The following CEMIP variants were observed in gnomAD, a reference collection of about 807,000 sequenced individuals.
CEMIP encodes cell migration inducing hyaluronidase 1.
CEMIP carries 105 observed loss-of-function variants against 156.9 expected under a neutral mutation model. The observed-to-expected ratio is 0.67, with a 90% CI of 0.57 to 0.79. The LOEUF (loss-of-function observed/expected upper bound fraction) is 0.79, where lower values mean the gene tolerates loss of function less well. Ranked by LOEUF, CEMIP falls within the 30% of genes least tolerant of loss-of-function variation. The pLI, the probability that CEMIP is intolerant of heterozygous loss-of-function variation, is 0.00. For synonymous variants in CEMIP, 676 were observed against 668.4 expected (o/e 1.01, Z -0.17); for missense variants, 1,457 against 1,769.4 (o/e 0.82, Z 3.17).
At chr15:80,793,035 T>A (rs1896121833) in intron 1 of CEMIP, among the ~76,000 whole-genome samples, 3 of 152,226 alleles carry the variant, frequency 2.0e-5, no homozygotes, top group Admixed American at 2.0e-4. Context: ...TGACTTCTGA[T>A]GAAAATACAG....
chr15:80,876,802 A>G (rs1596150936), intron 3 of CEMIP, among the ~76,000 whole-genome samples: 1 of 152,330 alleles, frequency 6.6e-6, no homozygotes, highest in South Asian at 2.1e-4. Context: ...ACATATATAA[A>G]TATGGGACAG....
intron 4 of CEMIP, among the ~76,000 whole-genome samples, chr15:80,879,085 C>T (rs1898560973): frequency 6.6e-6 from 1 of 152,232 alleles, no homozygotes; most frequent in Admixed American, 6.5e-5. Context: ...ATCGAGAAAA[C>T]TCCTTATTGG....
At chr15:80,809,680 T>A (rs564537156) in intron 1 of CEMIP, among the ~76,000 whole-genome samples, 3 of 152,190 alleles carry the variant, frequency 2.0e-5, no homozygotes, top group African/African-American at 7.2e-5. Flanking sequence ...GTCTAGAGGC[T>A]ATGGGGGAAA....
chr15:80,809,419 A>G (rs1896602859), intron 1 of CEMIP, among the ~76,000 whole-genome samples: 1 of 152,242 alleles, frequency 6.6e-6, no homozygotes, highest in Non-Finnish European at 1.5e-5. Flanking sequence ...GCTATTAAAT[A>G]TTTCTTCAAT....
At chr15:80,916,311 G>A (rs1490614441) in intron 14 of CEMIP, among the ~76,000 whole-genome samples, 1 of 152,178 alleles carries the variant, frequency 6.6e-6, no homozygotes. Context: ...GTCAGGCAGA[G>A]CCCAGGAGTT....
intron 1 of CEMIP, among the ~76,000 whole-genome samples, chr15:80,812,700 A>C (rs143269512): frequency 3.0e-3 from 458 of 152,306 alleles, no homozygotes; most frequent in African/African-American, 0.01. Flanking sequence ...GATCAGACTA[A>C]CCAGATTTAT....
At chr15:80,787,856 G>A (rs964685712) in intron 1 of CEMIP, among the ~76,000 whole-genome samples, 5 of 152,188 alleles carry the variant, frequency 3.3e-5, no homozygotes, top group Non-Finnish European at 4.4e-5. Flanking sequence ...TATCTGCAGC[G>A]AGGAGACAAA....
At chr15:80,810,322 G>A (rs956452957) in intron 1 of CEMIP, among the ~76,000 whole-genome samples, 15 of 152,086 alleles carry the variant, frequency 9.9e-5, no homozygotes, top group African/African-American at 3.4e-4. Flanking sequence ...AGACTCTCCT[G>A]AAGGACAACT....
intron 1 of CEMIP, among the ~76,000 whole-genome samples, chr15:80,787,580 A>T (rs1385211570): frequency 6.6e-6 from 1 of 152,176 alleles, no homozygotes; most frequent in East Asian, 1.9e-4. Flanking sequence ...ACATACTAAA[A>T]CAAAGACTGA....
chr15:80,884,977 C>T (rs185899732), intron 7 of CEMIP, among the ~76,000 whole-genome samples: 4 of 152,232 alleles, frequency 2.6e-5, no homozygotes, highest in East Asian at 3.9e-4. Flanking sequence ...CCTAGGTAAA[C>T]GTGTGCCGCG....
intron 12 of CEMIP, among the ~76,000 whole-genome samples, chr15:80,904,755 T>G (rs1255563432): frequency 6.6e-6 from 1 of 152,220 alleles, no homozygotes; most frequent in Non-Finnish European, 1.5e-5. Context: ...GGAGCCTCCA[T>G]GAGGAACCAG....
chr15:80,781,330 T>C (rs1895788367), intron 1 of CEMIP, among the ~76,000 whole-genome samples: 1 of 152,228 alleles, frequency 6.6e-6, no homozygotes, highest in Non-Finnish European at 1.5e-5. Flanking sequence ...CAAAAGCAAC[T>C]ATGCGGTTTT....
In CEMIP at chr15:80,882,352, G is replaced by A. The variant is rs139819616; in HGVS notation, c.617+1216G>A. Among the ~76,000 whole-genome samples the A allele has an allele frequency of 9.6e-3, 1,460 of 152,308 alleles. 34 individuals carry two copies. The highest frequency in any genetic ancestry group is 0.034 in the African/African-American group (1,419 of 41,558). On this transcript the variant is annotated intron_variant, in intron 6 of 29. Transcript: ENST00000394685. Reference sequence around the variant, plus strand: ...ACCTTGTAGAGATGAAAGCACTGAGGCTCACAGGGCTAAATTTACTCAGTC... The same window carrying A: ...ACCTTGTAGAGATGAAAGCACTGAGACTCACAGGGCTAAATTTACTCAGTC...
At chr15:80,944,216 G>A (rs778847208) in intron 28 of CEMIP, among the ~76,000 whole-genome samples, 6 of 152,304 alleles carry the variant, frequency 3.9e-5, no homozygotes, top group South Asian at 2.1e-4. Context: ...GGAGGCGGAC[G>A]TTGCAGTGAG....
At position 80,864,667 on chromosome 15, in the gene CEMIP, T is replaced by C. The variant is rs140014148; in HGVS notation, c.-175-8871T>C. Reference sequence around the variant, plus strand: ...GCCAACTACACATACCGCCCTTAAGTGGCAGGTCTGAGACTTAAATTTGGA... The same window carrying C: ...GCCAACTACACATACCGCCCTTAAGCGGCAGGTCTGAGACTTAAATTTGGA... On this transcript the variant is annotated intron_variant, in intron 1 of 29. Coordinates refer to ENST00000394685, the MANE Select transcript of CEMIP (RefSeq NM_001293298.2). Among the ~76,000 whole-genome samples, 205 of 152,336 alleles carry C rather than the reference T, an allele frequency of 1.3e-3. 2 individuals are homozygous for C. The Middle Eastern group carries it at 0.014, about 10-fold the overall frequency.
chr15:80,846,372 C>T (rs559884401), intron 1 of CEMIP, among the ~76,000 whole-genome samples: 1 of 152,214 alleles, frequency 6.6e-6, no homozygotes, highest in African/African-American at 2.4e-5. Flanking sequence ...CCGAGACAGG[C>T]TTTTCCTCCC....
chr15:80,896,346 G>T (rs1899223191), intron 12 of CEMIP: 1 of 571,026 alleles, frequency 1.8e-6, no homozygotes, highest in South Asian at 1.5e-5. Flanking sequence ...CTTCTCACGG[G>T]GGAGATTGCA....
At chr15:80,931,119 G>A (rs1003134643) in intron 21 of CEMIP, among the ~76,000 whole-genome samples, 6 of 152,166 alleles carry the variant, frequency 3.9e-5, no homozygotes, top group African/African-American at 1.2e-4. Context: ...CTACCTCCAC[G>A]TCCAAGCCTG....
chr15:80,796,765 C>G (rs546500687), intron 1 of CEMIP, among the ~76,000 whole-genome samples: 43 of 152,274 alleles, frequency 2.8e-4, no homozygotes, highest in Middle Eastern at 3.4e-3. Flanking sequence ...ACGCTCCTAC[C>G]TTTCAATCTG....
Sources: gnomAD v4.1 joint callset for allele counts (sites outside exome capture counted in the v4.1 genomes callset) on GRCh38, gnomAD v4.1.1 for gene constraint, MANE v1.5 for transcripts, NCBI Gene and HGNC (gene_info 2026-07-23, HGNC 2026-07-21) for gene names.